The following QRICH1 variants were observed in gnomAD, a reference collection of about 807,000 sequenced individuals.
QRICH1 encodes the protein transcriptional regulator QRICH1.
In QRICH1, 16 loss-of-function variants were observed where a neutral mutation model predicts 87.1. The ratio of observed to expected loss-of-function variants is 0.18; its 90% CI spans 0.12 to 0.28. The LOEUF is 0.28. Among genes scored for constraint, QRICH1 ranks in the 10% least tolerant of loss-of-function variants. QRICH1 has a pLI of 1.00. For synonymous variants in QRICH1, 367 were observed against 368.4 expected (o/e 1.00, Z 0.05); for missense variants, 647 against 951.7 (o/e 0.68, Z 4.21).
At chr3:49,067,777 G>A (rs538682101) in intron 2 of QRICH1, among the ~76,000 whole-genome samples, 2 of 152,086 alleles carry the variant, frequency 1.3e-5, no homozygotes, top group Non-Finnish European at 2.9e-5. Context: ...TCAAGAGATT[G>A]AGACCATCCT....
chr3:49,041,567 A>G (rs541490348), intron 6 of QRICH1, among the ~76,000 whole-genome samples: 1 of 151,810 alleles, frequency 6.6e-6, no homozygotes, highest in South Asian at 2.1e-4. Context: ...GGCTCAACTG[A>G]TCTTCCCACC....
intron 1 of QRICH1, among the ~76,000 whole-genome samples, chr3:49,083,923 T>C (rs1473427581): frequency 6.6e-6 from 1 of 151,510 alleles, no homozygotes; most frequent in Non-Finnish European, 1.5e-5. Context: ...TGCCTCAGCC[T>C]CCCGAGTAGC....
At chr3:49,072,131 G>A (rs2106960916) in intron 2 of QRICH1, among the ~76,000 whole-genome samples, 1 of 152,166 alleles carries the variant, frequency 6.6e-6, no homozygotes, top group Non-Finnish European at 1.5e-5. Flanking sequence ...AGGAGTTCAA[G>A]ACCACCCTAG....
At chr3:49,079,592 C>CAT (rs2042020179) in intron 1 of QRICH1, among the ~76,000 whole-genome samples, 1 of 151,486 alleles carries the variant, frequency 6.6e-6, no homozygotes, top group Non-Finnish European at 1.5e-5. Context: ...ATAAAGAGAG[C>CAT]ATCAGGCCAA....
At chr3:49,053,940 C>T (rs1559935418) in intron 3 of QRICH1, among the ~76,000 whole-genome samples, 1 of 152,236 alleles carries the variant, frequency 6.6e-6, no homozygotes, top group East Asian at 1.9e-4. Flanking sequence ...CATCTCTATT[C>T]CCCAGCTCCT....
chr3:49,081,957 G>A (rs373339179), intron 1 of QRICH1, among the ~76,000 whole-genome samples: 4 of 151,980 alleles, frequency 2.6e-5, no homozygotes, highest in Non-Finnish European at 4.4e-5. Context: ...ACAGGCATAC[G>A]CCACCATGCC....
chr3:49,092,469 G>T (rs193002151), intron 1 of QRICH1: 9 of 152,026 alleles, frequency 5.9e-5, no homozygotes, highest in African/African-American at 1.7e-4. Context: ...GAAGAAGATA[G>T]AACAAAAAAG....
chr3:49,054,551 T>C (rs761466470), intron 3 of QRICH1, among the ~76,000 whole-genome samples: 2 of 144,402 alleles, frequency 1.4e-5, no homozygotes, highest in African/African-American at 2.5e-5. Flanking sequence ...CTTCTGTCCA[T>C]CCTTGGCTCT....
chr3:49,043,496 CAAAAAA>C (rs57402124), intron 6 of QRICH1, among the ~76,000 whole-genome samples: 1 of 37,622 alleles, frequency 2.7e-5, no homozygotes, highest in African/African-American at 1.2e-4. Context: ...AACTCTGTCT[CAAAAAA>C]AAAAAAAAAA....
intron 1 of QRICH1, among the ~76,000 whole-genome samples, chr3:49,081,982 A>AT (rs1437775507): frequency 6.6e-6 from 1 of 151,936 alleles, no homozygotes; most frequent in Non-Finnish European, 1.5e-5. Context: ...TAATTTTTGT[A>AT]TTTTTAGTAG....
intron 1 of QRICH1, chr3:49,087,037 A>T (rs2042178564): frequency 6.6e-6 from 1 of 152,036 alleles, no homozygotes; most frequent in African/African-American, 2.4e-5. Flanking sequence ...TGGGCGGATC[A>T]CCTGAGGTTG....
At chr3:49,046,305 T>C in intron 5 of QRICH1, 120 bp downstream of exon 5, 2 of 1,060,664 alleles carry the variant, frequency 1.9e-6, no homozygotes, top group Middle Eastern at 2.1e-4. Context: ...TAAAACTCAC[T>C]GTATACCTGA....
intron 3 of QRICH1, among the ~76,000 whole-genome samples, chr3:49,053,848 C>T (rs2093386050): frequency 6.6e-6 from 1 of 152,132 alleles, no homozygotes; most frequent in Non-Finnish European, 1.5e-5. Context: ...CACATTTTGT[C>T]ACTAGCTCCC....
chr3:49,087,462 T>G (rs2042187479), intron 1 of QRICH1, among the ~76,000 whole-genome samples: 1 of 151,072 alleles, frequency 6.6e-6, no homozygotes, highest in African/African-American at 2.4e-5. Flanking sequence ...GGAGAATTAC[T>G]TGAACCCGGG....
chr3:49,047,758 C>T (rs2093347050), intron 3 of QRICH1, among the ~76,000 whole-genome samples: 1 of 152,024 alleles, frequency 6.6e-6, no homozygotes, highest in Admixed American at 6.6e-5. Flanking sequence ...GCTGGGATTA[C>T]AGGCGTGAAC....
At chr3:49,032,326 T>G in intron 8 of QRICH1, 53 bp from the exon 9 acceptor site, 1 of 1,394,448 alleles carries the variant, frequency 7.2e-7, no homozygotes, top group South Asian at 1.2e-5. Context: ...CTGCCTTACC[T>G]CAGGCCCAGA....
At chr3:49,085,466 C>T (rs1040437719) in intron 1 of QRICH1, among the ~76,000 whole-genome samples, 1 of 152,056 alleles carries the variant, frequency 6.6e-6, no homozygotes, top group African/African-American at 2.4e-5. Flanking sequence ...CTGAAAGAAA[C>T]TAAACCTGCC....
At chr3:49,040,067 C>T (rs2093301243) in intron 6 of QRICH1, among the ~76,000 whole-genome samples, 1 of 151,874 alleles carries the variant, frequency 6.6e-6, no homozygotes, top group Admixed American at 6.6e-5. Context: ...TCTCAAAAGC[C>T]AAAAAACAGC....
chr3:49,038,740 G>A (rs572721084), intron 6 of QRICH1, among the ~76,000 whole-genome samples: 1 of 152,258 alleles, frequency 6.6e-6, no homozygotes, highest in Non-Finnish European at 1.5e-5. Context: ...ATTTTTTAAA[G>A]TATGAGCCGG....
Sources: gnomAD v4.1 joint callset for allele counts (sites outside exome capture counted in the v4.1 genomes callset) on GRCh38, gnomAD v4.1.1 for gene constraint, MANE v1.5 for transcripts, NCBI Gene and HGNC (gene_info 2026-07-23, HGNC 2026-07-21) for gene names.